ANKRD50: variants seen among roughly 807,000 people sequenced by gnomAD.
ANKRD50 encodes the protein ankyrin repeat domain-containing protein 50.
ANKRD50 carries 40 observed loss-of-function variants against 112.0 expected under a neutral mutation model. The ratio of observed to expected loss-of-function variants is 0.36; its 90% CI spans 0.28 to 0.46. The LOEUF (loss-of-function observed/expected upper bound fraction) is 0.46. ANKRD50 is among the 20% of genes least tolerant of loss of function. The probability of loss-of-function intolerance (pLI) is 1.00; values close to 1 mark genes in which losing one functional copy is unlikely to be tolerated. For synonymous variants in ANKRD50, 613 were observed against 619.1 expected (o/e 0.99, Z 0.15); for missense variants, 1,487 against 1,701.7 (o/e 0.87, Z 2.22).
intron 2 of ANKRD50, among the ~76,000 whole-genome samples, chr4:124,691,469 G>C (rs899238551): frequency 3.7e-5 from 5 of 134,448 alleles, no homozygotes; most frequent in African/African-American, 8.7e-5. Context: ...TCCGCAGTCC[G>C]GCCTGGGCGA....
At chr4:124,683,584 T>C (rs1355000849) in intron 2 of ANKRD50, among the ~76,000 whole-genome samples, 1 of 151,976 alleles carries the variant, frequency 6.6e-6, no homozygotes, top group African/African-American at 2.4e-5. Context: ...AGGGCAATCA[T>C]ATTCACATGT....
At chr4:124,674,384 A>T (rs2110510470) in intron 3 of ANKRD50, among the ~76,000 whole-genome samples, 1 of 152,126 alleles carries the variant, frequency 6.6e-6, no homozygotes, top group East Asian at 1.9e-4. Flanking sequence ...AGTAACAGGT[A>T]GGGTTCTACA....
At chr4:124,692,123 G>A (rs772696371) in intron 2 of ANKRD50, among the ~76,000 whole-genome samples, 1 of 152,118 alleles carries the variant, frequency 6.6e-6, no homozygotes, top group African/African-American at 2.4e-5. Context: ...TTTAGACTTA[G>A]GTCCCATCCC....
chr4:124,688,024 A>G (rs1725046468), intron 2 of ANKRD50, among the ~76,000 whole-genome samples: 1 of 152,232 alleles, frequency 6.6e-6, no homozygotes, highest in South Asian at 2.1e-4. Context: ...GTATGGCCAC[A>G]TGAAAATCTG....
chr4:124,693,571 C>T (rs945916934), intron 2 of ANKRD50, among the ~76,000 whole-genome samples: 2 of 152,066 alleles, frequency 1.3e-5, no homozygotes, highest in Non-Finnish European at 2.9e-5. Context: ...TCAGTTACCC[C>T]TTATACTACG....
At position 124,678,823 on chromosome 4, in the gene ANKRD50, T is replaced by C; in HGVS notation, c.595A>G (p.Asn199Asp). 2 of 1,613,892 alleles carry C rather than the reference T, an allele frequency of 1.2e-6. No individual in the cohort carries two copies. The highest frequency in any genetic ancestry group is 1.7e-6 in the Non-Finnish European group (2 of 1,179,834). ...LLVDSVDEGC[N>D]ITEGEQTSTS... Reference sequence around the variant, plus strand: ...GACGTTTGTTCACCTTCAGTAATGTTACACCCTTCATCAACAGAATCAACA... The same window carrying C: ...GACGTTTGTTCACCTTCAGTAATGTCACACCCTTCATCAACAGAATCAACA... Residue 199 changes from asparagine (N) to aspartate (D), a missense_variant, in exon 3 of 5, where the codon AAC becomes GAC. By Grantham distance (23) the Asn-to-Asp change is conservative. Around this residue, in one of 2 missense-constraint regions of ANKRD50, gnomAD observed 1,046 missense variants for 1,269.5 expected, o/e 0.82. Transcript: ENST00000504087.
chr4:124,668,198 G>A (rs1436729837), intron 4 of ANKRD50, among the ~76,000 whole-genome samples: 1 of 151,750 alleles, frequency 6.6e-6, no homozygotes, highest in Admixed American at 6.6e-5. Flanking sequence ...AGTATCCTTT[G>A]TTACAGGAAG....
chr4:124,671,884 G>T lies in ANKRD50; in HGVS notation c.1393C>A (p.Gln465Lys), dbSNP rs755206068. ...FALHLINSNL[Q>K]LETAELALWM... ...AGAGCTAACTCCGCTGTCTCTAATT[G>T]TAAGTTTGAGTTAATTAAGTGCAAT... The change falls in exon 4 of 5, where the codon CAA (glutamine) becomes AAA (lysine). Residue 465 changes from glutamine to lysine, a missense_variant. By Grantham distance (53) the Gln-to-Lys change is moderately conservative. Around this residue, in one of 2 missense-constraint regions of ANKRD50, gnomAD observed 1,046 missense variants for 1,269.5 expected, o/e 0.82. Coordinates refer to ENST00000504087, the MANE Select transcript of ANKRD50 (RefSeq NM_020337.3). 9 of 1,613,820 alleles carry T rather than the reference G, an allele frequency of 5.6e-6. No homozygotes were observed. The highest frequency in any genetic ancestry group is 1.7e-4 in the Middle Eastern group (1 of 6,056).
chr4:124,687,563 T>C (rs1725036720), intron 2 of ANKRD50, among the ~76,000 whole-genome samples: 1 of 152,108 alleles, frequency 6.6e-6, no homozygotes, highest in Non-Finnish European at 1.5e-5. Flanking sequence ...AGCTATTAGA[T>C]ACTGTTAAGA....
chr4:124,709,147 G>T (rs1224184964), intron 2 of ANKRD50, among the ~76,000 whole-genome samples: 1 of 151,620 alleles, frequency 6.6e-6, no homozygotes, highest in Non-Finnish European at 1.5e-5. Context: ...GAATGTTATT[G>T]TAGAGAAAAA....
intron 3 of ANKRD50, among the ~76,000 whole-genome samples, chr4:124,675,321 A>G (rs928037462): frequency 1.3e-5 from 2 of 151,830 alleles, no homozygotes; most frequent in Admixed American, 6.6e-5. Context: ...CAATATTTAT[A>G]AATTGATGCT....
chr4:124,668,881 A>C, intron 4 of ANKRD50, 103 bp downstream of exon 4: 21 of 1,051,128 alleles, frequency 2.0e-5, no homozygotes, highest in East Asian at 2.6e-5. Flanking sequence ...ACATCTGAGT[A>C]GAGATTAACT....
In ANKRD50 at chr4:124,671,524, C is replaced by G; in HGVS notation, c.1753G>C (p.Ala585Pro). ...ACCTTGGTATGTCCCTGTCTAGCCG[C>G]TAGAGTGAGTGGTGTATGTCCATGA... The part of the protein sequence containing the change: ...DAHGHTPLTL[A>P]ARQGHTKVVN... The change falls in exon 4 of 5, where the codon GCG (alanine) becomes CCG (proline). Residue 585 changes from alanine (A) to proline (P), a missense_variant. By Grantham distance (27) the Ala-to-Pro change is conservative (BLOSUM62 -1). This residue lies in a region of ANKRD50 where 1,046 missense variants were observed against 1,269.5 expected (regional missense o/e 0.82). Coordinates refer to ENST00000504087, the MANE Select transcript of ANKRD50 (RefSeq NM_020337.3). 6.2e-7 allele frequency: 1 copy of G among 1,613,792 alleles called. No individual in the cohort carries two copies. The highest frequency in any genetic ancestry group is 8.5e-7 in the Non-Finnish European group (1 of 1,179,846).
chr4:124,694,123 A>C lies in ANKRD50; in HGVS notation c.513-15218T>G, dbSNP rs568030912. Among the ~76,000 whole-genome samples the C allele has an allele frequency of 9.2e-5, 14 of 152,332 alleles. No individual in the cohort carries two copies. The East Asian group carries it at 1.9e-3, about 21-fold the overall frequency. On this transcript the variant is annotated intron_variant, in intron 2 of 4. Transcript: ENST00000504087. ...AAGTGGAACAGGAAAAAACAACAAC[A>C]ACCAAAAAACAGGCAATACAATTAA...
At chr4:124,684,892 T>C (rs1327743359) in intron 2 of ANKRD50, among the ~76,000 whole-genome samples, 2 of 152,122 alleles carry the variant, frequency 1.3e-5, no homozygotes, top group African/African-American at 4.8e-5. Context: ...TTTTTTCTTT[T>C]TCCCCCCCAT....
chr4:124,699,875 T>C (rs1029777503), intron 2 of ANKRD50, among the ~76,000 whole-genome samples: 1 of 151,736 alleles, frequency 6.6e-6, no homozygotes, highest in African/African-American at 2.4e-5. Flanking sequence ...AATTAAAATA[T>C]AAATATTCAT....
intron 2 of ANKRD50, among the ~76,000 whole-genome samples, chr4:124,683,767 A>AT (rs1332183156): frequency 6.6e-6 from 1 of 151,654 alleles, no homozygotes; most frequent in Non-Finnish European, 1.5e-5. Flanking sequence ...AAAAAAAAAA[A>AT]AAAAAAATTG....
chr4:124,686,363 A>G (rs560085290), intron 2 of ANKRD50, among the ~76,000 whole-genome samples: 29 of 152,306 alleles, frequency 1.9e-4, no homozygotes, highest in South Asian at 6.2e-4. Context: ...AATTACAGAC[A>G]GAATGTGGAG....
At chr4:124,706,320 A>G (rs530390402) in intron 2 of ANKRD50, among the ~76,000 whole-genome samples, 4 of 152,224 alleles carry the variant, frequency 2.6e-5, no homozygotes, top group African/African-American at 7.2e-5. Flanking sequence ...CGTGACAACT[A>G]TATCTAAAAA....
Sources: allele counts gnomAD v4.1 joint callset (sites outside exome capture counted in the v4.1 genomes callset), GRCh38; gene constraint gnomAD v4.1.1; regional missense constraint gnomAD v4.1.1; transcripts MANE v1.5; gene names NCBI Gene and HGNC (gene_info 2026-07-23, HGNC 2026-07-21).